The following OGFOD3 variants were observed in gnomAD, a reference collection of about 807,000 sequenced individuals.
The protein encoded by OGFOD3 is 2-oxoglutarate and iron-dependent oxygenase domain-containing protein 3.
Under a neutral mutation model 39.8 loss-of-function variants are expected in OGFOD3, and 35 were observed. The observed-to-expected ratio is 0.88, with a 90% CI of 0.67 to 1.17. The LOEUF (loss-of-function observed/expected upper bound fraction) is 1.17, where lower values mean the gene tolerates loss of function less well. Ranked by LOEUF, OGFOD3 falls within the 50% of genes most tolerant of loss-of-function variation. The probability of loss-of-function intolerance (pLI) is 0.00; values close to 1 mark genes in which losing one functional copy is unlikely to be tolerated. For synonymous variants in OGFOD3, 200 were observed against 192.0 expected, an observed-to-expected ratio of 1.04 and a Z score of -0.34; for missense variants, 438 against 454.5, an observed-to-expected ratio of 0.96 and a Z score of 0.33.
rs905870335 is a variant in OGFOD3, at chr17:82,392,316, G to A, written c.*82C>T. ...CTAAGGCACTCTGTGCAACAGGAGC[G>A]GGTGGACGTGGGGGTGGGTGCACGA... On this transcript the variant is annotated 3_prime_UTR_variant, in exon 9 of 9. Coordinates refer to ENST00000313056, the MANE Select transcript of OGFOD3 (RefSeq NM_024648.3). The surrounding 1 kb of genome is among the most constrained non-coding windows in gnomAD (Gnocchi z 4.2). 4.4e-5 allele frequency: 64 copies of A among 1,443,838 alleles called. No individual in the cohort carries two copies. Among genetic ancestry groups the A allele is most frequent in the East Asian group, 2.4e-4 (10 of 41,364 alleles). 89.4% of individuals were successfully genotyped at this position (1,443,838 alleles called of 1,614,324 possible). A position where few individuals can be genotyped will look rare whatever the true frequency, so the allele number is the denominator to read the frequency against.
chr17:82,412,985 G>C (rs957725815), intron 2 of OGFOD3, among the ~76,000 whole-genome samples: 2 of 152,300 alleles, frequency 1.3e-5, no homozygotes, highest in East Asian at 3.9e-4. Flanking sequence ...ACAAGGCACC[G>C]AGATGACCTT....
chr17:82,395,711 C>A (rs190261568), intron 8 of OGFOD3, among the ~76,000 whole-genome samples: 54 of 152,340 alleles, frequency 3.5e-4, no homozygotes, highest in African/African-American at 1.3e-3. Context: ...GTCCCAGCTA[C>A]TCGGGAGGCT....
intron 7 of OGFOD3, 59 bp downstream of exon 7, chr17:82,403,878 C>CCCACGGGCACGCTCACCTTGT: frequency 2.6e-6 from 4 of 1,514,592 alleles, no homozygotes; most frequent in East Asian, 2.4e-5. Flanking sequence ...ACTCACCGTG[C>CCCACGGGCACGCTCACCTTGT]CCACGGGCAC....
chr17:82,398,322 GA>G lies in OGFOD3; in HGVS notation c.700-4del. On this transcript the variant is annotated splice_polypyrimidine_tract_variant and splice_region_variant and intron_variant, in intron 7 of 8. Transcript: ENST00000313056. Reference sequence around the variant, plus strand: ...TAGTCGAAGGAGCCGTAGGTCACCTGAGGGCAGAGCCGGGAGGAGGGGGCAG... The same window carrying G: ...TAGTCGAAGGAGCCGTAGGTCACCTGGGGCAGAGCCGGGAGGAGGGGGCAG... 6.2e-7 allele frequency: 1 copy of G among 1,614,016 alleles called. No homozygotes were observed. Among genetic ancestry groups the G allele is most frequent in the Non-Finnish European group, 8.5e-7 (1 of 1,179,954 alleles).
intron 7 of OGFOD3, among the ~76,000 whole-genome samples, chr17:82,400,524 A>G (rs1250980514): frequency 6.6e-6 from 1 of 152,242 alleles, no homozygotes; most frequent in East Asian, 1.9e-4. Flanking sequence ...TTTACAACTG[A>G]CAGAATGCGG....
rs2053024076 is a variant in OGFOD3 at position 82,415,816 on chromosome 17, G to A, written c.75-189C>T. ...GGACTCTTCCCTCCCTTTCCCTTCA[G>A]GGATCTCCAATACACACTAACTGCC... On this transcript the variant is annotated intron_variant, in intron 1 of 8. Transcript: ENST00000313056. This position sits in a 1 kb window ranked among gnomAD's most constrained non-coding sequence, Gnocchi z 5.3. Among the ~76,000 whole-genome samples the A allele has an allele frequency of 6.6e-6, 1 of 151,950 alleles. No individual in the cohort carries two copies. Among genetic ancestry groups the A allele is most frequent in the East Asian group, 1.9e-4 (1 of 5,194 alleles).
At chr17:82,413,590 C>T (rs2052987994) in intron 2 of OGFOD3, among the ~76,000 whole-genome samples, 1 of 152,150 alleles carries the variant, frequency 6.6e-6, no homozygotes, top group African/African-American at 2.4e-5. Context: ...AAATTAGAGG[C>T]CAGGCGCAGT....
intron 7 of OGFOD3, among the ~76,000 whole-genome samples, chr17:82,402,608 G>A (rs146570049): frequency 1.3e-5 from 2 of 152,014 alleles, no homozygotes; most frequent in East Asian, 1.9e-4. Flanking sequence ...TTAGCCGAGC[G>A]TGGTGGCATG....
rs1299126015 is a variant in OGFOD3, at chr17:82,415,281, G to A, written c.304+117C>T. On this transcript the variant is annotated intron_variant, in intron 2 of 8. Transcript: ENST00000313056. This position sits in a 1 kb window ranked among gnomAD's most constrained non-coding sequence, Gnocchi z 5.3. ...GGACTAGCCAGCCTGCAGGAGGGGA[G>A]AGGTTGTCTGCTACCCCCAAGCATA... The A allele has an allele frequency of 6.9e-6, 7 of 1,010,958 alleles. No homozygotes were observed. Among genetic ancestry groups the A allele is most frequent in the Non-Finnish European group, 1.1e-5 (7 of 664,462 alleles). 62.6% of individuals were successfully genotyped at this position (1,010,958 alleles called of 1,614,324 possible). A position where few individuals can be genotyped will look rare whatever the true frequency, so the allele number is the denominator to read the frequency against.
Position 82,404,335 on chromosome 17 carries a change from G to T in OGFOD3, c.546-245C>A, listed in dbSNP as rs148802351. ...CAGCAGGACTGGGGAGGCAGAAGGGGGCCTGCAGGACCAACGCTGGGGAGG... is the reference window on the plus strand; with the variant it reads ...CAGCAGGACTGGGGAGGCAGAAGGGTGCCTGCAGGACCAACGCTGGGGAGG... On this transcript the variant is annotated intron_variant, in intron 6 of 8. Transcript: ENST00000313056. This position sits in a 1 kb window ranked among gnomAD's most constrained non-coding sequence, Gnocchi z 4.5. Among the ~76,000 whole-genome samples the T allele has an allele frequency of 6.6e-6, 1 of 152,218 alleles. No homozygotes were observed. Among genetic ancestry groups the T allele is most frequent in the Non-Finnish European group, 1.5e-5 (1 of 68,028 alleles).
At position 82,392,599 on chromosome 17, in the gene OGFOD3, T is replaced by A; in HGVS notation, c.824-65A>T. On this transcript the variant is annotated intron_variant, in intron 8 of 8. Coordinates refer to ENST00000313056, the MANE Select transcript of OGFOD3 (RefSeq NM_024648.3). The surrounding 1 kb of genome is among the most constrained non-coding windows in gnomAD (Gnocchi z 4.2). ...ACCCACGGCCACAGCCTTCAGAGGG[T>A]CTGCGGTCACCTGAAAGAGCAACTA... The A allele has an allele frequency of 1.3e-6, 2 of 1,522,116 alleles. No homozygotes were observed. Among genetic ancestry groups the A allele is most frequent in the Non-Finnish European group, 1.8e-6 (2 of 1,130,784 alleles). The allele number at this position is 1,522,116 out of a possible 1,614,324, so 94.3% of individuals were successfully genotyped here.
At chr17:82,408,120 G>C in intron 4 of OGFOD3, among the ~76,000 whole-genome samples, 1 of 152,064 alleles carries the variant, frequency 6.6e-6, no homozygotes, top group South Asian at 2.1e-4. Flanking sequence ...TCCAGCCTGG[G>C]CAACAGAGCG....
intron 7 of OGFOD3, among the ~76,000 whole-genome samples, chr17:82,399,520 G>C (rs547001559): frequency 6.6e-6 from 1 of 152,356 alleles, no homozygotes; most frequent in South Asian, 2.1e-4. Flanking sequence ...GCACAGTTCA[G>C]TGATGTTAAG....
At chr17:82,403,230 C>A (rs1185157004) in intron 7 of OGFOD3, among the ~76,000 whole-genome samples, 1 of 152,100 alleles carries the variant, frequency 6.6e-6, no homozygotes, top group Non-Finnish European at 1.5e-5. Context: ...GCCGTGTGGG[C>A]CGGGTTCTCC....
At chr17:82,416,676 A>ATT (rs200889655) in intron 1 of OGFOD3, among the ~76,000 whole-genome samples, 7 of 114,762 alleles carry the variant, frequency 6.1e-5, no homozygotes, top group Admixed American at 3.8e-4. Flanking sequence ...TTTATTTATT[A>ATT]TTTTTTTTTT....
intron 4 of OGFOD3, among the ~76,000 whole-genome samples, chr17:82,408,225 G>T (rs1269824655): frequency 1.3e-5 from 2 of 152,216 alleles, no homozygotes; most frequent in African/African-American, 4.8e-5. Context: ...GACCATCACA[G>T]AAATACTTTG....
chr17:82,405,277 C>T, intron 6 of OGFOD3, 47 bp downstream of exon 6: 1 of 1,560,578 alleles, frequency 6.4e-7, no homozygotes, highest in Non-Finnish European at 8.8e-7. Context: ...CCCCTCAGCC[C>T]CAGGCCACCC....
chr17:82,412,878 C>G (rs1236963164), intron 2 of OGFOD3, among the ~76,000 whole-genome samples: 1 of 152,182 alleles, frequency 6.6e-6, no homozygotes, highest in Non-Finnish European at 1.5e-5. Context: ...AAAGCCAGCC[C>G]TGAGCCTGGA....
chr17:82,405,987 G>A (rs1391074488), intron 5 of OGFOD3, among the ~76,000 whole-genome samples: 1 of 152,064 alleles, frequency 6.6e-6, no homozygotes, highest in Non-Finnish European at 1.5e-5. Context: ...GAGCCAGCCG[G>A]GAGCAAGACC....
Sources: allele counts gnomAD v4.1 joint callset (sites outside exome capture counted in the v4.1 genomes callset), GRCh38; gene constraint gnomAD v4.1.1; non-coding constraint Gnocchi (gnomAD v3.1); transcripts MANE v1.5; gene names NCBI Gene and HGNC (gene_info 2026-07-23, HGNC 2026-07-21).